AKAP13: variants seen among roughly 807,000 people sequenced by gnomAD.
The protein encoded by AKAP13 is A-kinase anchoring protein 13, also known as A-kinase anchor protein 13.
AKAP13 carries 80 observed loss-of-function variants against 264.5 expected under a neutral mutation model. That is an observed-to-expected ratio of 0.30 (90% CI 0.25 to 0.36). The LOEUF (loss-of-function observed/expected upper bound fraction) is 0.36, where lower values mean the gene tolerates loss of function less well. Among genes scored for constraint, AKAP13 ranks in the 10% least tolerant of loss-of-function variants. The pLI, the probability that AKAP13 is intolerant of heterozygous loss-of-function variation, is 1.00. For missense variants in AKAP13, 3,712 were observed against 3,435.2 expected, an observed-to-expected ratio of 1.08 and a Z score of -2.01; for synonymous variants, 1,380 against 1,250.2, an observed-to-expected ratio of 1.10 and a Z score of -2.19.
intron 3 of AKAP13, among the ~76,000 whole-genome samples, chr15:85,530,932 T>C (rs1430756007): frequency 1.3e-5 from 2 of 152,200 alleles, no homozygotes; most frequent in African/African-American, 4.8e-5. Flanking sequence ...TAGAGTCCAG[T>C]GGCATGATCT....
At chr15:85,680,617 C>T (rs1426012078) in intron 14 of AKAP13, among the ~76,000 whole-genome samples, 2 of 152,178 alleles carry the variant, frequency 1.3e-5, no homozygotes, top group Non-Finnish European at 2.9e-5. Context: ...GTAATCCCAG[C>T]ACTTTGGGAA....
intron 4 of AKAP13, among the ~76,000 whole-genome samples, chr15:85,539,054 A>G (rs1332775819): frequency 6.6e-6 from 1 of 150,978 alleles, no homozygotes; most frequent in Non-Finnish European, 1.5e-5. Flanking sequence ...GATGGTCTCG[A>G]TCTCCTGATC....
chr15:85,520,612 G>T (rs1388663997), intron 2 of AKAP13: 3 of 517,414 alleles, frequency 5.8e-6, no homozygotes, highest in Non-Finnish European at 7.7e-6. Flanking sequence ...GATTTTATGG[G>T]ATTAATGTAG....
chr15:85,743,567 G>C lies in AKAP13; in HGVS notation c.8134G>C (p.Ala2712Pro), dbSNP rs1413253933. 3 of 1,614,128 alleles carry C rather than the reference G, an allele frequency of 1.9e-6. No individual in the cohort carries two copies. The highest frequency in any genetic ancestry group is 2.2e-5 in the East Asian group (1 of 44,882). ...PSPEEPPSPS[A>P]PSIAKSGSLD... is the part of the protein sequence containing the mutation. ...TCCTGAGGAGCCCCCCTCGCCATCT[G>C]CACCTTCCATAGCCAAATCAGGGTC... The change falls in exon 36 of 37, where the codon GCA becomes CCA. Residue 2712 changes from alanine to proline, a missense_variant. Ala to Pro is a conservative substitution (Grantham distance 27, BLOSUM62 -1). This residue lies in a region of AKAP13 where 611 missense variants were observed against 539.3 expected (regional missense o/e 1.13). Coordinates refer to ENST00000394518, the MANE Select transcript of AKAP13 (RefSeq NM_007200.5).
In AKAP13 at chr15:85,567,995, A is replaced by T. The variant is rs1026236489; in HGVS notation, c.663-7136A>T. Among the ~76,000 whole-genome samples, 195 of 141,450 alleles carry T rather than the reference A, an allele frequency of 1.4e-3. 2 individuals carry two copies. The highest frequency in any genetic ancestry group is 4.9e-3 in the African/African-American group (181 of 37,282). 92.8% of individuals were successfully genotyped at this position (141,450 alleles called of 152,430 possible). On this transcript the variant is annotated intron_variant, in intron 5 of 36. Coordinates refer to ENST00000394518, the MANE Select transcript of AKAP13 (RefSeq NM_007200.5). ...GTGTGTGTGTGTATTTTTTAAAGCC[A>T]GTAGAGACCAGGCGCAGTGGCTCAC...
intron 16 of AKAP13, among the ~76,000 whole-genome samples, chr15:85,686,191 ATG>A (rs55994240): frequency 2.6e-3 from 395 of 151,464 alleles, no homozygotes; most frequent in African/African-American, 8.6e-3. Flanking sequence ...ACGTGCATGC[ATG>A]TGTGTGTGTG....
At chr15:85,681,108 G>A (rs749229451) in intron 14 of AKAP13, among the ~76,000 whole-genome samples, 4 of 152,116 alleles carry the variant, frequency 2.6e-5, no homozygotes, top group Non-Finnish European at 4.4e-5. Context: ...ATGAGCCACC[G>A]CGCCTGGCCC....
chr15:85,500,933 T>C (rs2076022326), intron 2 of AKAP13, among the ~76,000 whole-genome samples: 1 of 152,222 alleles, frequency 6.6e-6, no homozygotes, highest in South Asian at 2.1e-4. Flanking sequence ...TGTCTCTCTT[T>C]GTTTTGTCCA....
At chr15:85,678,229 A>G (rs1352370465) in intron 14 of AKAP13, among the ~76,000 whole-genome samples, 2 of 152,234 alleles carry the variant, frequency 1.3e-5, no homozygotes, top group Non-Finnish European at 1.5e-5. Flanking sequence ...GTTTTTATAT[A>G]ACTAGTATTA....
At chr15:85,536,823 G>A (rs199577451) in intron 4 of AKAP13, 1 of 152,252 alleles carries the variant, frequency 6.6e-6, no homozygotes, top group East Asian at 1.9e-4. Flanking sequence ...CTGGGAGTGG[G>A]GGAAGTCTGA....
chr15:85,681,136 T>A (rs1007749672), intron 14 of AKAP13, among the ~76,000 whole-genome samples: 5 of 152,166 alleles, frequency 3.3e-5, no homozygotes, highest in Admixed American at 3.3e-4. Flanking sequence ...GGTAGTCTGG[T>A]AGTAGAACAT....
chr15:85,395,105 C>T (rs2071049762), intron 1 of AKAP13, among the ~76,000 whole-genome samples: 1 of 152,136 alleles, frequency 6.6e-6, no homozygotes, highest in African/African-American at 2.4e-5. Context: ...TTCAGAGGAA[C>T]CGTTCATTGT....
At chr15:85,393,478 CTGTG>C (rs2070964179) in intron 1 of AKAP13, among the ~76,000 whole-genome samples, 1 of 152,146 alleles carries the variant, frequency 6.6e-6, no homozygotes, top group Non-Finnish European at 1.5e-5. Context: ...CAAAATAGTG[CTGTG>C]TGTATGTTTA....
intron 19 of AKAP13, 97 bp from the exon 20 acceptor site, chr15:85,715,691 C>T: frequency 9.3e-7 from 1 of 1,077,258 alleles, no homozygotes; most frequent in Non-Finnish European, 1.3e-6. Context: ...GGCAAATCCA[C>T]TGTAAAGCGC....
intron 19 of AKAP13, 140 bp downstream of exon 19, chr15:85,710,785 T>A: frequency 2.1e-6 from 2 of 936,170 alleles, no homozygotes; most frequent in South Asian, 3.4e-5. Flanking sequence ...GGCTGCTGTT[T>A]TATCCTGCAG....
chr15:85,699,146 T>G (rs2085752223), intron 17 of AKAP13, among the ~76,000 whole-genome samples: 1 of 151,790 alleles, frequency 6.6e-6, no homozygotes. Flanking sequence ...ACAGTTTATA[T>G]AAATTTACAA....
rs556292663 is a variant in AKAP13 at position 85,432,031 on chromosome 15, C to T, written c.-12+51233C>T. On this transcript the variant is annotated intron_variant, in intron 1 of 36. Coordinates refer to ENST00000394518, the MANE Select transcript of AKAP13 (RefSeq NM_007200.5). ...ATTGGGAGGCTGTTTAGATGAGAGG[C>T]ACTTTCCAACACTGGGATTCTATTT... Among the ~76,000 whole-genome samples, 18 of 152,230 alleles carry T rather than the reference C, an allele frequency of 1.2e-4. No homozygotes were observed. In the South Asian group the frequency reaches 3.5e-3, roughly 30 times the overall value.
intron 19 of AKAP13, 133 bp from the exon 20 acceptor site, chr15:85,715,655 G>T: frequency 1.7e-6 from 2 of 1,200,468 alleles, no homozygotes; most frequent in Non-Finnish European, 2.2e-6. Context: ...CCTCCATGGA[G>T]TTTTTATATA....
At chr15:85,721,727 T>A (rs538178034) in intron 23 of AKAP13, among the ~76,000 whole-genome samples, 24 of 152,358 alleles carry the variant, frequency 1.6e-4, no homozygotes, top group African/African-American at 5.8e-4. Context: ...GTACATAAAG[T>A]TTCTTTAATT....
Sources: allele counts gnomAD v4.1 joint callset (sites outside exome capture counted in the v4.1 genomes callset), GRCh38; gene constraint gnomAD v4.1.1; regional missense constraint gnomAD v4.1.1; transcripts MANE v1.5; gene names NCBI Gene and HGNC (gene_info 2026-07-23, HGNC 2026-07-21).